The following PRKD1 variants were observed in gnomAD, a reference collection of about 807,000 sequenced individuals.
PRKD1 encodes the protein protein kinase D1.
Under a neutral mutation model 95.9 loss-of-function variants are expected in PRKD1, and 63 were observed. That is an observed-to-expected ratio of 0.66 (90% CI 0.54 to 0.81). The LOEUF (loss-of-function observed/expected upper bound fraction) is 0.81, where lower values mean the gene tolerates loss of function less well. PRKD1 is among the 30% of genes least tolerant of loss of function. The pLI is 0.00. For missense variants in PRKD1, 1,048 were observed against 1,165.3 expected (o/e 0.90, Z 1.47); for synonymous variants, 425 against 423.1 (o/e 1.00, Z -0.05).
At chr14:29,806,790 T>C (rs1444621124) in intron 1 of PRKD1, among the ~76,000 whole-genome samples, 1 of 152,160 alleles carries the variant, frequency 6.6e-6, no homozygotes, top group African/African-American at 2.4e-5. Context: ...AGACATACTT[T>C]TGCAACTGAA....
intron 1 of PRKD1, among the ~76,000 whole-genome samples, chr14:29,920,118 A>AAAGAAAAGAAAAGAGAG (rs1309735867): frequency 6.6e-6 from 1 of 151,682 alleles, no homozygotes; most frequent in East Asian, 1.9e-4. Flanking sequence ...GAAAGGGGAG[A>AAAGAAAAGAAAAGAGAG]AAGAAAAGAA....
intron 1 of PRKD1, among the ~76,000 whole-genome samples, chr14:29,743,360 G>A (rs953800190): frequency 5.3e-5 from 8 of 152,032 alleles, no homozygotes; most frequent in Non-Finnish European, 1.0e-4. Context: ...GGGAGAGAAA[G>A]GGTATATATA....
At chr14:29,721,233 T>C (rs1178856234) in intron 2 of PRKD1, among the ~76,000 whole-genome samples, 1 of 152,206 alleles carries the variant, frequency 6.6e-6, no homozygotes, top group Non-Finnish European at 1.5e-5. Flanking sequence ...ACTAACTACA[T>C]GTGGAAATAG....
intron 1 of PRKD1, among the ~76,000 whole-genome samples, chr14:29,926,993 T>C (rs1053289256): frequency 9.9e-5 from 15 of 151,350 alleles, no homozygotes; most frequent in Admixed American, 9.8e-4. Context: ...AGGATGGAAA[T>C]GGGTGAGGAG....
At chr14:29,596,060 G>C (rs1032822244) in intron 16 of PRKD1, among the ~76,000 whole-genome samples, 2 of 152,226 alleles carry the variant, frequency 1.3e-5, no homozygotes, top group Admixed American at 6.5e-5. Flanking sequence ...TAGGCCACAG[G>C]TTCCTTTAAG....
rs535910403 is a variant in PRKD1 at position 29,663,784 on chromosome 14, A to G, written c.611T>C (p.Leu204Pro). Reference protein sequence around the residue: ...NNCSGVRRRRLSNVSLTGVST... With the variant: ...NNCSGVRRRRPSNVSLTGVST... ...GACCCCAGTGAGGGAAACGTTTGAG[A>G]GCCTTCTCCGCCTCACACCGCTGCA... The change falls in exon 4 of 18, where the codon CTC (leucine) becomes CCC (proline). Residue 204 changes from leucine (L) to proline (P), a missense_variant. Physicochemically the swap from Leu to Pro is moderately conservative, Grantham distance 98. Transcript: ENST00000331968. 2 of 1,614,082 alleles carry G rather than the reference A, an allele frequency of 1.2e-6. No homozygotes were observed. Among genetic ancestry groups the G allele is most frequent in the African/African-American group, 2.7e-5 (2 of 75,038 alleles).
At chr14:29,724,688 G>A (rs1886057594) in intron 2 of PRKD1, among the ~76,000 whole-genome samples, 1 of 152,156 alleles carries the variant, frequency 6.6e-6, no homozygotes, top group Non-Finnish European at 1.5e-5. Context: ...ATAAACTTGA[G>A]ACTCTGTAAT....
intron 1 of PRKD1, among the ~76,000 whole-genome samples, chr14:29,868,138 G>A (rs1892975848): frequency 6.6e-6 from 1 of 152,130 alleles, no homozygotes; most frequent in Non-Finnish European, 1.5e-5. Flanking sequence ...CTGGCCAAGT[G>A]TGTTTATGTG....
chr14:29,625,730 C>G (rs145965794), intron 12 of PRKD1, among the ~76,000 whole-genome samples: 1 of 151,898 alleles, frequency 6.6e-6, no homozygotes, highest in Non-Finnish European at 1.5e-5. Context: ...AACTTAATTA[C>G]TTTTTAAATT....
At chr14:29,704,510 T>G (rs997560105) in intron 2 of PRKD1, among the ~76,000 whole-genome samples, 3 of 152,194 alleles carry the variant, frequency 2.0e-5, no homozygotes, top group African/African-American at 7.2e-5. Flanking sequence ...TAAGGAATCC[T>G]TCAAAAAGCC....
intron 12 of PRKD1, among the ~76,000 whole-genome samples, chr14:29,624,743 T>A (rs1464462081): frequency 6.6e-6 from 1 of 152,120 alleles, no homozygotes; most frequent in East Asian, 1.9e-4. Flanking sequence ...TCATCTACAA[T>A]GAGGAGAAGA....
chr14:29,771,987 T>C (rs1888529412), intron 1 of PRKD1, among the ~76,000 whole-genome samples: 1 of 152,218 alleles, frequency 6.6e-6, no homozygotes. Context: ...ATGCATAATT[T>C]GTTTGATTTC....
chr14:29,800,707 G>T (rs1341211757), intron 1 of PRKD1, among the ~76,000 whole-genome samples: 1 of 152,118 alleles, frequency 6.6e-6, no homozygotes, highest in Non-Finnish European at 1.5e-5. Flanking sequence ...TCTGTTATTT[G>T]AATTTTTTGA....
At chr14:29,730,900 G>C (rs1457175051) in intron 1 of PRKD1, among the ~76,000 whole-genome samples, 1 of 152,030 alleles carries the variant, frequency 6.6e-6, no homozygotes, top group African/African-American at 2.4e-5. Flanking sequence ...TAAAATTTAA[G>C]TTAGGAGGAA....
At chr14:29,844,436 AT>A (rs1216336235) in intron 1 of PRKD1, among the ~76,000 whole-genome samples, 5 of 152,214 alleles carry the variant, frequency 3.3e-5, no homozygotes, top group African/African-American at 1.2e-4. Flanking sequence ...GAGTGAACCA[AT>A]TCAACAAATT....
intron 13 of PRKD1, among the ~76,000 whole-genome samples, chr14:29,622,118 A>G (rs771068768): frequency 1.8e-4 from 27 of 152,250 alleles, no homozygotes; most frequent in Non-Finnish European, 3.2e-4. Flanking sequence ...TAAGGAGTGC[A>G]CAACCAGAAG....
At chr14:29,722,469 T>A (rs373639043) in intron 2 of PRKD1, among the ~76,000 whole-genome samples, 4 of 152,214 alleles carry the variant, frequency 2.6e-5, no homozygotes, top group South Asian at 2.1e-4. Context: ...GCAAGAAGAC[T>A]TGAAGTTCAG....
At chr14:29,920,837 A>G (rs1895075640) in intron 1 of PRKD1, among the ~76,000 whole-genome samples, 1 of 152,220 alleles carries the variant, frequency 6.6e-6, no homozygotes, top group South Asian at 2.1e-4. Context: ...TCTCAAAATG[A>G]CATTTCTGCA....
At chr14:29,586,495 G>A (rs1414329042) in intron 16 of PRKD1, among the ~76,000 whole-genome samples, 1 of 152,114 alleles carries the variant, frequency 6.6e-6, no homozygotes, top group Non-Finnish European at 1.5e-5. Context: ...AACAATATAT[G>A]TAAGAATGAA....
Sources: gnomAD v4.1 joint callset for allele counts (sites outside exome capture counted in the v4.1 genomes callset) on GRCh38, gnomAD v4.1.1 for gene constraint, MANE v1.5 for transcripts, NCBI Gene and HGNC (gene_info 2026-07-23, HGNC 2026-07-21) for gene names.